The following STXBP4 variants were observed in gnomAD, a reference collection of about 807,000 sequenced individuals.
STXBP4 encodes syntaxin binding protein 4.
A neutral mutation model predicts 76.1 loss-of-function variants in STXBP4; 55 were observed. The observed-to-expected ratio is 0.72, with a 90% confidence interval of 0.58 to 0.91. The LOEUF (loss-of-function observed/expected upper bound fraction) is 0.91, where lower values mean the gene tolerates loss of function less well. Ranked by LOEUF, STXBP4 falls within the 40% of genes least tolerant of loss-of-function variation. The pLI, the probability that STXBP4 is intolerant of heterozygous loss-of-function variation, is 0.00. For synonymous variants in STXBP4, 201 were observed against 220.2 expected (o/e 0.91, Z 0.77); for missense variants, 618 against 636.9 (o/e 0.97, Z 0.32).
Position 55,141,333 on chromosome 17 carries a change from G to A in STXBP4, c.1513G>A (p.Ala505Thr). The change falls in exon 17 of 18, where the codon GCT becomes ACT. Residue 505 changes from alanine (A) to threonine (T), a missense_variant. Transcript: ENST00000376352. The part of the protein sequence containing the change: ...MDCLPYGWEE[A>T]YTADGIKYFI... Reference sequence around the variant, plus strand: ...AGGTTTACCTTATGGGTGGGAGGAAGCTTACACAGCAGATGGAATCAAGTA... The same window carrying A: ...AGGTTTACCTTATGGGTGGGAGGAAACTTACACAGCAGATGGAATCAAGTA... 1 of 1,612,096 alleles carries A rather than the reference G, an allele frequency of 6.2e-7. No homozygotes were observed. Among genetic ancestry groups the A allele is most frequent in the Non-Finnish European group, 8.5e-7 (1 of 1,178,938 alleles).
chr17:55,166,266 C>T lies in STXBP4; in HGVS notation c.*6355C>T, dbSNP rs1427427747. On this transcript the variant is annotated 3_prime_UTR_variant, in exon 18 of 18. Transcript: ENST00000376352. ...TTCCCTTTTCTCTGTTTCATGCAAA[C>T]ATGGCTTATTTATTTTTCAAGTCTT... is the stretch of plus-strand genomic sequence containing the variant. 1 of 152,168 alleles carries T rather than the reference C, an allele frequency of 6.6e-6. No individual in the cohort carries two copies. Among genetic ancestry groups the T allele is most frequent in the Non-Finnish European group, 1.5e-5 (1 of 68,038 alleles). The allele number at this position is 152,168 out of a possible 1,614,324, so 9.4% of individuals were successfully genotyped here.
Position 55,034,081 on chromosome 17 carries a change from T to C in STXBP4, c.764-87T>C, listed in dbSNP as rs1006324343. Reference sequence around the variant, plus strand: ...TTAAGATAATTTATGTGGGTTAAATTTGAAACCTTAGCAACTTCATATAGA... The same window carrying C: ...TTAAGATAATTTATGTGGGTTAAATCTGAAACCTTAGCAACTTCATATAGA... On this transcript the variant is annotated intron_variant, in intron 9 of 17. Transcript: ENST00000376352. The C allele has an allele frequency of 9.9e-6, 9 of 907,982 alleles. No individual in the cohort carries two copies. The African/African-American group carries it at 1.3e-4, about 13-fold the overall frequency. The allele number at this position is 907,982 out of a possible 1,614,324, so 56.2% of individuals were successfully genotyped here. A position where few individuals can be genotyped will look rare whatever the true frequency, so the allele number is the denominator to read the frequency against.
At chr17:55,179,418 A>G in the STXBP4 span, among the ~76,000 whole-genome samples, 2 of 152,194 alleles carry the variant, frequency 1.3e-5, no homozygotes, top group Non-Finnish European at 2.9e-5. Context: ...TAGACCATGA[A>G]CTAAAAGAAA....
intron 17 of STXBP4, among the ~76,000 whole-genome samples, chr17:55,149,207 T>G (rs377711054): frequency 6.6e-6 from 1 of 152,230 alleles, no homozygotes; most frequent in South Asian, 2.1e-4. Flanking sequence ...TTTAAAGCTG[T>G]AACCATCCAT....
intron 10 of STXBP4, among the ~76,000 whole-genome samples, chr17:55,040,342 G>A (rs773824512): frequency 9.2e-5 from 14 of 152,154 alleles, no homozygotes; most frequent in Non-Finnish European, 1.6e-4. Context: ...GCAGGGAAAT[G>A]GAAAGAGAAA....
chr17:54,969,681 A>G (rs925277086), intron 1 of STXBP4, among the ~76,000 whole-genome samples: 1 of 152,234 alleles, frequency 6.6e-6, no homozygotes, highest in African/African-American at 2.4e-5. Context: ...CAGAGCAGGT[A>G]TAATTATCCC....
intron 3 of STXBP4, among the ~76,000 whole-genome samples, chr17:54,989,031 T>C (rs1567705451): frequency 6.6e-6 from 1 of 152,266 alleles, no homozygotes; most frequent in Non-Finnish European, 1.5e-5. Context: ...AACAGTTTTC[T>C]TAAAGATATT....
chr17:55,121,365 G>A (rs1359597497), intron 16 of STXBP4, among the ~76,000 whole-genome samples: 1 of 152,060 alleles, frequency 6.6e-6, no homozygotes, highest in African/African-American at 2.4e-5. Context: ...GGGGTGAATG[G>A]GAGATAAAGG....
intron 1 of STXBP4, among the ~76,000 whole-genome samples, chr17:54,984,428 C>T (rs1449420679): frequency 1.3e-5 from 2 of 150,178 alleles, no homozygotes; most frequent in African/African-American, 4.9e-5. Flanking sequence ...CTGCAAGCTC[C>T]GCCTCCCAGG....
At chr17:54,989,036 G>C (rs555110458) in intron 3 of STXBP4, among the ~76,000 whole-genome samples, 19 of 152,314 alleles carry the variant, frequency 1.2e-4, no homozygotes, top group African/African-American at 4.6e-4. Flanking sequence ...TTTTCTTAAA[G>C]ATATTCTTAG....
chr17:55,129,241 T>TC (rs2079948367), intron 16 of STXBP4, among the ~76,000 whole-genome samples: 1 of 152,116 alleles, frequency 6.6e-6, no homozygotes, highest in Non-Finnish European at 1.5e-5. Flanking sequence ...TTCTTTTTTT[T>TC]CTCTCTGCTC....
chr17:55,090,859 GTGTGTGT>G (rs2079404466), intron 16 of STXBP4, among the ~76,000 whole-genome samples: 1 of 5,866 alleles, frequency 1.7e-4, no homozygotes, highest in Non-Finnish European at 2.6e-4. Context: ...GTGTGTCTGT[GTGTGTGT>G]GTGTGTGTGT....
At chr17:55,105,808 T>C (rs561657552) in intron 16 of STXBP4, among the ~76,000 whole-genome samples, 5 of 152,322 alleles carry the variant, frequency 3.3e-5, no homozygotes, top group Admixed American at 3.3e-4. Context: ...TTGATTGCAC[T>C]GTGGTCTGAG....
intron 8 of STXBP4, among the ~76,000 whole-genome samples, chr17:55,011,508 C>CTTTCT (rs1555566817): frequency 1.2e-4 from 10 of 85,926 alleles, no homozygotes; most frequent in Admixed American, 1.6e-4. Flanking sequence ...TTTTCTTTTT[C>CTTTCT]TTTTTTTTTT....
At chr17:55,180,720 A>C in the STXBP4 span, among the ~76,000 whole-genome samples, 16 of 152,338 alleles carry the variant, frequency 1.1e-4, no homozygotes, top group Non-Finnish European at 2.1e-4. Flanking sequence ...CACTATTACC[A>C]GTGTGGGAAC....
At chr17:55,142,727 A>G (rs1221204488) in intron 17 of STXBP4, among the ~76,000 whole-genome samples, 3 of 152,216 alleles carry the variant, frequency 2.0e-5, no homozygotes, top group Non-Finnish European at 4.4e-5. Flanking sequence ...ACTAGAGATA[A>G]ACCTGGCAAA....
intron 11 of STXBP4, among the ~76,000 whole-genome samples, chr17:55,045,217 G>T (rs1385997443): frequency 6.6e-6 from 1 of 151,950 alleles, no homozygotes; most frequent in South Asian, 2.1e-4. Context: ...TACTATAAGA[G>T]TATTTTATAT....
Position 55,028,063 on chromosome 17 carries a change from A to G in STXBP4, c.667-3105A>G, listed in dbSNP as rs11869287. Among the ~76,000 whole-genome samples, 7 of 152,250 alleles carry G rather than the reference A, an allele frequency of 4.6e-5. No homozygotes were observed. In the East Asian group the frequency reaches 1.3e-3, roughly 29 times the overall value. ...TGTTTTGGTTACATTCAAAAACTGA[A>G]GTAAATATAGTTGACTGCTAAGCTT... On this transcript the variant is annotated intron_variant, in intron 8 of 17. Coordinates refer to ENST00000376352, the MANE Select transcript of STXBP4 (RefSeq NM_178509.6).
At chr17:55,198,576 C>T in the STXBP4 span, among the ~76,000 whole-genome samples, 2 of 152,086 alleles carry the variant, frequency 1.3e-5, no homozygotes, top group South Asian at 4.1e-4. Context: ...GGAGATAGAA[C>T]CCATGATTTT....
Sources: allele counts gnomAD v4.1 joint callset (sites outside exome capture counted in the v4.1 genomes callset), GRCh38; gene constraint gnomAD v4.1.1; transcripts MANE v1.5; gene names NCBI Gene and HGNC (gene_info 2026-07-23, HGNC 2026-07-21).